Variants in OR2T12 observed in about 807,000 individuals in gnomAD.
The protein encoded by OR2T12 is olfactory receptor 2T12.
For synonymous variants in OR2T12, 127 were observed against 160.5 expected (o/e 0.79, Z 1.58); for missense variants, 335 against 404.3 (o/e 0.83, Z 1.47).
chr1:248,302,997 G>C (rs374929330), intron 1 of OR2T12, among the ~76,000 whole-genome samples: 26 of 152,212 alleles, frequency 1.7e-4, no homozygotes, highest in African/African-American at 5.8e-4. Context: ...AAAGAAAAGA[G>C]AATGTGGCCA....
chr1:248,300,506 C>T (rs1045672977), intron 2 of OR2T12, among the ~76,000 whole-genome samples: 2 of 152,022 alleles, frequency 1.3e-5, no homozygotes, highest in African/African-American at 2.4e-5. Flanking sequence ...CCTCAGGGTG[C>T]CATTGTGTTA....
rs150487744 is a variant in OR2T12 at position 248,292,748 on chromosome 1, T to G, written c.*1868A>C. 108 of 148,588 alleles carry G rather than the reference T, an allele frequency of 7.3e-4. 1 individual carries two copies. The Middle Eastern group carries it at 0.024, about 33-fold the overall frequency. The allele number at this position is 148,588 out of a possible 1,614,324, so 9.2% of individuals were successfully genotyped here. ...ACGTTTGCTTGGAGATAATGTTCAT[T>G]CCGTGGTTTTGTTGTTGTTGTTGTT... On this transcript the variant is annotated 3_prime_UTR_variant, in exon 3 of 3. Transcript: ENST00000641276.
chr1:248,298,531 C>CT (rs1289357784), intron 2 of OR2T12, among the ~76,000 whole-genome samples: 1 of 151,702 alleles, frequency 6.6e-6, no homozygotes, highest in Non-Finnish European at 1.5e-5. Context: ...ATTTCAGCTC[C>CT]TGTTATTGGT....
rs1659662152 is a variant in OR2T12 at position 248,293,460 on chromosome 1, T to C, written c.*1156A>G. 1 of 152,174 alleles carries C rather than the reference T, an allele frequency of 6.6e-6. No homozygotes were observed. The highest frequency in any genetic ancestry group is 1.5e-5 in the Non-Finnish European group (1 of 68,022). The allele number at this position is 152,174 out of a possible 1,614,324, so 9.4% of individuals were successfully genotyped here. On this transcript the variant is annotated 3_prime_UTR_variant, in exon 3 of 3. Coordinates refer to ENST00000641276, the MANE Select transcript of OR2T12 (RefSeq NM_001004692.2). ...CTCTAAGACAATTTGATATCCAGTC[T>C]CTGATTACAATTTGGCTTTGATAAC... is the stretch of plus-strand genomic sequence containing the variant.
Position 248,294,718 on chromosome 1 carries a change from G to A in OR2T12, c.861C>T (p.Ile287=). 6.2e-7 allele frequency: 1 copy of A among 1,614,110 alleles called. No homozygotes were observed. Among genetic ancestry groups the A allele is most frequent in the African/African-American group, 1.3e-5 (1 of 75,014 alleles). ...TGACCTCACTGTTCCTCACACTGTA[G>A]ATGAGGGGATTTAGTAAAGGGGTGA... The part of the protein sequence containing the change: ...TMFTPLLNPL[I]YSVRNSEVKE... Residue 287 remains isoleucine, a synonymous_variant, in exon 3 of 3, where the codon ATC becomes ATT. Coordinates refer to ENST00000641276, the MANE Select transcript of OR2T12 (RefSeq NM_001004692.2).
At position 248,295,119 on chromosome 1, in the gene OR2T12, C is replaced by T. The variant is rs759597222; in HGVS notation, c.460G>A (p.Gly154Ser). 6.9e-6 allele frequency: 11 copies of T among 1,603,282 alleles called. No individual in the cohort carries two copies. Among genetic ancestry groups the T allele is most frequent in the Admixed American group, 6.7e-5 (4 of 59,438 alleles). Residue 154 changes from glycine to serine, a missense_variant, in exon 3 of 3, where the codon GGC becomes AGC. Coordinates refer to ENST00000641276, the MANE Select transcript of OR2T12 (RefSeq NM_001004692.2). Reference protein sequence around the residue: ...MSSWLLGAADGLLQAVATLSF... With the variant: ...MSSWLLGAADSLLQAVATLSF... Reference sequence around the variant, plus strand: ...AGGGTAGCAACAGCCTGCAGGAGGCCGTCAGCTGCACCCAGGAGCCAGGAC... The same window carrying T: ...AGGGTAGCAACAGCCTGCAGGAGGCTGTCAGCTGCACCCAGGAGCCAGGAC...
At chr1:248,298,343 T>C (rs1458000999) in intron 2 of OR2T12, among the ~76,000 whole-genome samples, 2 of 152,190 alleles carry the variant, frequency 1.3e-5, no homozygotes, top group African/African-American at 4.8e-5. Context: ...CCGGCTTTGG[T>C]ATCAGGATGA....
chr1:248,298,943 T>C (rs1421957499), intron 2 of OR2T12, among the ~76,000 whole-genome samples: 1 of 152,244 alleles, frequency 6.6e-6, no homozygotes, highest in East Asian at 1.9e-4. Flanking sequence ...CTAAGCTTCA[T>C]AAGTGAAGGA....
rs1335676261 is a variant in OR2T12, at chr1:248,291,178, G to A, written c.*3438C>T. The A allele has an allele frequency of 6.6e-6, 1 of 152,022 alleles. No individual in the cohort carries two copies. The highest frequency in any genetic ancestry group is 1.5e-5 in the Non-Finnish European group (1 of 67,984). 9.4% of individuals were successfully genotyped at this position (152,022 alleles called of 1,614,324 possible). On this transcript the variant is annotated 3_prime_UTR_variant, in exon 3 of 3. Coordinates refer to ENST00000641276, the MANE Select transcript of OR2T12 (RefSeq NM_001004692.2). Reference sequence around the variant, plus strand: ...GCCTCTGTTTGCAGATTACATGATTGCATATTTAGAACACCCCATCATCTC... The same window carrying A: ...GCCTCTGTTTGCAGATTACATGATTACATATTTAGAACACCCCATCATCTC...
chr1:248,299,085 C>G (rs1023771330), intron 2 of OR2T12, among the ~76,000 whole-genome samples: 9 of 152,158 alleles, frequency 5.9e-5, no homozygotes, highest in Admixed American at 4.6e-4. Flanking sequence ...AAAATCATGC[C>G]AAATTGTAAA....
In OR2T12 at chr1:248,292,397, T is replaced by C. The variant is rs1267677217; in HGVS notation, c.*2219A>G. The C allele has an allele frequency of 6.6e-6, 1 of 152,112 alleles. No homozygotes were observed. Among genetic ancestry groups the C allele is most frequent in the Non-Finnish European group, 1.5e-5 (1 of 67,970 alleles). The allele number at this position is 152,112 out of a possible 1,614,324, so 9.4% of individuals were successfully genotyped here. A position where few individuals can be genotyped will look rare whatever the true frequency, so the allele number is the denominator to read the frequency against. ...CTCCTTCTTTAACTTTAGAGATTCA[T>C]AAGAACCATATCTTCTCATTTTCAA... On this transcript the variant is annotated 3_prime_UTR_variant, in exon 3 of 3. Transcript: ENST00000641276.
chr1:248,298,899 G>T (rs2103039291), intron 2 of OR2T12, among the ~76,000 whole-genome samples: 1 of 152,124 alleles, frequency 6.6e-6, no homozygotes. Context: ...GCTAGCTTTT[G>T]AATTTTCAAC....
At position 248,303,346 on chromosome 1, in the gene OR2T12, C is replaced by T. The variant is rs1327630658; in HGVS notation, c.-190G>A. On this transcript the variant is annotated splice_region_variant and 5_prime_UTR_variant, in exon 1 of 3. In the 5' UTR this introduces an upstream ATG that the reference lacks. Coordinates refer to ENST00000641276, the MANE Select transcript of OR2T12 (RefSeq NM_001004692.2). Reference sequence around the variant, plus strand: ...TCTTGCTTGTGCTTGGTTAACTTACCTCTTAGTACTGATCTGAATAGTGTA... The same window carrying T: ...TCTTGCTTGTGCTTGGTTAACTTACTTCTTAGTACTGATCTGAATAGTGTA... 6.6e-6 allele frequency: 1 copy of T among 152,098 alleles called. No homozygotes were observed. Among genetic ancestry groups the T allele is most frequent in the African/African-American group, 2.4e-5 (1 of 41,434 alleles). 9.4% of individuals were successfully genotyped at this position (152,098 alleles called of 1,614,324 possible). A position where few individuals can be genotyped will look rare whatever the true frequency, so the allele number is the denominator to read the frequency against.
Position 248,294,394 on chromosome 1 carries a change from G to A in OR2T12, c.*222C>T. The A allele has an allele frequency of 2.0e-6, 1 of 506,362 alleles. No homozygotes were observed. Among genetic ancestry groups the A allele is most frequent in the Non-Finnish European group, 3.3e-6 (1 of 302,162 alleles). 31.4% of individuals were successfully genotyped at this position (506,362 alleles called of 1,614,324 possible). ...AGAAAACTTATATCATGGGGTTGTT[G>A]TAGGATACAAAGTAATCTATAGGTA... On this transcript the variant is annotated 3_prime_UTR_variant, in exon 3 of 3. Transcript: ENST00000641276.
chr1:248,295,459 A>G lies in OR2T12; in HGVS notation c.120T>C (p.Asn40=). Residue 40 remains asparagine (N), a synonymous_variant, in exon 3 of 3, where the codon AAT becomes AAC. Transcript: ENST00000641276. ...AGTGAATCAGGAGAATCATGAGGGC[A>G]TTGCTAAACAGGGAGGTCAAAACGG... is the stretch of plus-strand genomic sequence containing the variant. ...LATVLTSLFS[N]ALMILLIHWD... is the part of the protein sequence containing the mutation. 2 of 1,612,768 alleles carry G rather than the reference A, an allele frequency of 1.2e-6. No homozygotes were observed. The highest frequency in any genetic ancestry group is 1.3e-5 in the African/African-American group (1 of 74,306).
In OR2T12 at chr1:248,295,021, A is replaced by G. The variant is rs757831237; in HGVS notation, c.558T>C (p.Ala186=). The G allele has an allele frequency of 6.8e-6, 11 of 1,610,702 alleles. No homozygotes were observed. Among genetic ancestry groups the G allele is most frequent in the African/African-American group, 1.3e-5 (1 of 74,360 alleles). ...FCEAPVLVRL[A]CADTSVFENA... ...TTTCGAAGACTGAAGTGTCAGCACA[A>G]GCCAAACGCACCAACACGGGGGCCT... Residue 186 remains alanine, a synonymous_variant, in exon 3 of 3, where the codon GCT becomes GCC. Transcript: ENST00000641276.
intron 2 of OR2T12, among the ~76,000 whole-genome samples, chr1:248,300,183 C>T (rs141053318): frequency 1.9e-3 from 291 of 152,180 alleles, no homozygotes; most frequent in Admixed American, 4.1e-3. Flanking sequence ...CCAAAGCAAA[C>T]AGATAGTTCC....
intron 2 of OR2T12, among the ~76,000 whole-genome samples, chr1:248,298,223 C>G (rs1319467316): frequency 1.3e-5 from 2 of 152,076 alleles, no homozygotes; most frequent in Admixed American, 6.6e-5. Flanking sequence ...GGTGGATAAG[C>G]TTTTTGATGA....
chr1:248,299,786 T>G (rs1391119073), intron 2 of OR2T12, among the ~76,000 whole-genome samples: 1 of 152,148 alleles, frequency 6.6e-6, no homozygotes, highest in Non-Finnish European at 1.5e-5. Context: ...TAGTTGGAAG[T>G]AAAGCTCTCC....
Sources: gnomAD v4.1 joint callset for allele counts (sites outside exome capture counted in the v4.1 genomes callset) on GRCh38, gnomAD v4.1.1 for gene constraint, MANE v1.5 for transcripts, NCBI Gene and HGNC (gene_info 2026-07-23, HGNC 2026-07-21) for gene names.